The following TENM4 variants were observed in gnomAD, a reference collection of about 807,000 sequenced individuals.
TENM4 encodes the protein teneurin-4.
TENM4 carries 82 observed loss-of-function variants against 243.3 expected under a neutral mutation model. The ratio of observed to expected loss-of-function variants is 0.34; its 90% CI spans 0.28 to 0.40. TENM4 has a LOEUF of 0.40. Among genes scored for constraint, TENM4 ranks in the 10% least tolerant of loss-of-function variants. The pLI is 1.00. For synonymous variants in TENM4, 1,412 were observed against 1,456.3 expected (o/e 0.97, Z 0.69); for missense variants, 3,138 against 3,673.3 (o/e 0.85, Z 3.77).
intron 1 of TENM4, among the ~76,000 whole-genome samples, chr11:79,344,238 T>C (rs772430472): frequency 3.0e-4 from 45 of 152,188 alleles, no homozygotes; most frequent in Non-Finnish European, 6.3e-4. Context: ...CTCCTGAGTT[T>C]TTCAACCATT....
intron 1 of TENM4, among the ~76,000 whole-genome samples, chr11:79,409,916 G>T (rs911949264): frequency 2.0e-5 from 3 of 152,058 alleles, no homozygotes; most frequent in Non-Finnish European, 4.4e-5. Flanking sequence ...GCCCACAGTG[G>T]TAACCTAATC....
chr11:78,711,653 C>T (rs546680085), intron 26 of TENM4, among the ~76,000 whole-genome samples: 1 of 152,196 alleles, frequency 6.6e-6, no homozygotes, highest in East Asian at 1.9e-4. Context: ...AGTGAGGATC[C>T]TGGGGCTGAG....
intron 2 of TENM4, among the ~76,000 whole-genome samples, chr11:79,292,072 T>C (rs889677092): frequency 3.3e-5 from 5 of 152,180 alleles, no homozygotes; most frequent in Admixed American, 3.3e-4. Flanking sequence ...AGAGCACATG[T>C]TGCTGCTACC....
At chr11:79,138,804 C>T (rs1438890974) in intron 4 of TENM4, among the ~76,000 whole-genome samples, 4 of 102,276 alleles carry the variant, frequency 3.9e-5, no homozygotes, top group Non-Finnish European at 7.4e-5. Context: ...ATACATAAAA[C>T]ATACATATTT....
At chr11:78,753,790 T>A (rs1856244178) in intron 19 of TENM4, among the ~76,000 whole-genome samples, 2 of 152,176 alleles carry the variant, frequency 1.3e-5, no homozygotes, top group African/African-American at 4.8e-5. Flanking sequence ...AAATACTATA[T>A]CCCTGGCCCT....
At chr11:78,798,447 T>G (rs1307533760) in intron 15 of TENM4, among the ~76,000 whole-genome samples, 2 of 152,224 alleles carry the variant, frequency 1.3e-5, no homozygotes, top group Non-Finnish European at 2.9e-5. Context: ...GAGTGTGAAT[T>G]CTGGAGGGTT....
At chr11:79,009,613 C>T (rs1268237378) in intron 6 of TENM4, among the ~76,000 whole-genome samples, 4 of 152,106 alleles carry the variant, frequency 2.6e-5, no homozygotes, top group Non-Finnish European at 5.9e-5. Context: ...GATTTTTAGG[C>T]CATAGGATCA....
chr11:79,345,020 G>C (rs879586040), intron 1 of TENM4, among the ~76,000 whole-genome samples: 1 of 152,096 alleles, frequency 6.6e-6, no homozygotes, highest in African/African-American at 2.4e-5. Context: ...ATATTTGCTT[G>C]AGAATTCCAA....
At chr11:78,948,568 T>C (rs947509799) in intron 6 of TENM4, among the ~76,000 whole-genome samples, 3 of 152,188 alleles carry the variant, frequency 2.0e-5, no homozygotes, top group African/African-American at 7.2e-5. Flanking sequence ...AGATGGGGTC[T>C]CACAGTGTTA....
chr11:78,734,462 C>A (rs1331953384), intron 20 of TENM4, among the ~76,000 whole-genome samples: 1 of 151,384 alleles, frequency 6.6e-6, no homozygotes, highest in Non-Finnish European at 1.5e-5. Flanking sequence ...TAGGTTAGTT[C>A]TGACTGTTAG....
chr11:79,067,637 C>G (rs543696478), intron 5 of TENM4, among the ~76,000 whole-genome samples: 385 of 4,512 alleles, frequency 0.085, 1 homozygote, highest in African/African-American at 0.21. Flanking sequence ...AGGAACTTAA[C>G]TCCTAGGAAA....
intron 29 of TENM4, 53 bp from the exon 30 acceptor site, chr11:78,676,440 G>A (rs541164586): frequency 4.1e-5 from 60 of 1,476,624 alleles, no homozygotes; most frequent in South Asian, 3.7e-4. Flanking sequence ...GTGGAGGGAG[G>A]TGTGAGGACA....
intron 4 of TENM4, among the ~76,000 whole-genome samples, chr11:79,088,055 C>T (rs1178806588): frequency 6.6e-6 from 1 of 152,250 alleles, no homozygotes; most frequent in African/African-American, 2.4e-5. Flanking sequence ...GCCCGATCCT[C>T]ACTTTGTTCT....
At chr11:78,877,851 C>T (rs939082967) in intron 9 of TENM4, among the ~76,000 whole-genome samples, 3 of 152,202 alleles carry the variant, frequency 2.0e-5, no homozygotes, top group Non-Finnish European at 4.4e-5. Context: ...GTGGCTCTTA[C>T]TATTAAGAAC....
chr11:78,815,116 G>A (rs1269736172), intron 12 of TENM4, among the ~76,000 whole-genome samples: 3 of 152,238 alleles, frequency 2.0e-5, no homozygotes, highest in African/African-American at 7.2e-5. Flanking sequence ...GCTGGGCGTG[G>A]TGGCTCAGGC....
chr11:79,337,163 G>A (rs1457796818), intron 1 of TENM4, among the ~76,000 whole-genome samples: 1 of 152,224 alleles, frequency 6.6e-6, no homozygotes, highest in Non-Finnish European at 1.5e-5. Context: ...ATTTACCAAA[G>A]CCTTCTGTAA....
chr11:79,379,756 A>G (rs11237815), intron 1 of TENM4, among the ~76,000 whole-genome samples: 15,346 of 152,240 alleles, frequency 0.1, 784 homozygotes, highest in African/African-American at 0.12. Flanking sequence ...CCTGTTCCAG[A>G]GCCCATACAC....
At chr11:79,396,863 G>A (rs999738839) in intron 1 of TENM4, among the ~76,000 whole-genome samples, 2 of 152,218 alleles carry the variant, frequency 1.3e-5, no homozygotes, top group African/African-American at 4.8e-5. Flanking sequence ...CCAAAGCCAA[G>A]AAAGACAGAA....
chr11:78,722,959 T>A (rs759421963), intron 23 of TENM4, 42 bp from the exon 24 acceptor site: 1 of 1,601,140 alleles, frequency 6.2e-7, no homozygotes, highest in Admixed American at 1.7e-5. Flanking sequence ...GAGCAGGAAA[T>A]GGGTATCTTT....
Sources: gnomAD v4.1 joint callset for allele counts (sites outside exome capture counted in the v4.1 genomes callset) on GRCh38, gnomAD v4.1.1 for gene constraint, MANE v1.5 for transcripts, NCBI Gene and HGNC (gene_info 2026-07-23, HGNC 2026-07-21) for gene names.